TENM3: variants seen among roughly 807,000 people sequenced by gnomAD.
TENM3 encodes the protein teneurin transmembrane protein 3.
A neutral mutation model predicts 255.1 loss-of-function variants in TENM3; 63 were observed. The ratio of observed to expected loss-of-function variants is 0.25; its 90% confidence interval spans 0.20 to 0.30. The LOEUF (loss-of-function observed/expected upper bound fraction) is 0.30. Ranked by LOEUF, TENM3 falls within the 10% of genes least tolerant of loss-of-function variation. The pLI is 1.00. For synonymous variants in TENM3, 1,306 were observed against 1,322.3 expected (o/e 0.99, Z 0.27); for missense variants, 2,929 against 3,461.1 (o/e 0.85, Z 3.86).
the TENM3 span, among the ~76,000 whole-genome samples, chr4:182,107,491 A>G: frequency 6.6e-6 from 1 of 152,070 alleles, no homozygotes; most frequent in Non-Finnish European, 1.5e-5. Flanking sequence ...GGCACATTCG[A>G]CAGTTATTCT....
At chr4:181,747,803 A>T in the TENM3 span, among the ~76,000 whole-genome samples, 2 of 151,924 alleles carry the variant, frequency 1.3e-5, no homozygotes, top group Non-Finnish European at 2.9e-5. Context: ...TAAAATGTTG[A>T]TCCATTTGAA....
the TENM3 span, among the ~76,000 whole-genome samples, chr4:181,540,014 T>C: frequency 1.3e-5 from 2 of 152,168 alleles, no homozygotes; most frequent in South Asian, 4.1e-4. Context: ...GAGAAATGAC[T>C]GCTTCTAGGG....
intron 4 of TENM3, among the ~76,000 whole-genome samples, chr4:182,612,133 G>C (rs537804948): frequency 6.6e-6 from 1 of 151,966 alleles, no homozygotes; most frequent in Non-Finnish European, 1.5e-5. Context: ...TTAGCCGGGC[G>C]TGGTGGCGGA....
At chr4:181,999,593 T>C in the TENM3 span, among the ~76,000 whole-genome samples, 2 of 152,292 alleles carry the variant, frequency 1.3e-5, no homozygotes, top group South Asian at 4.1e-4. Flanking sequence ...ATTATCTGCA[T>C]CTACAAGTGA....
At chr4:181,797,096 C>T in the TENM3 span, among the ~76,000 whole-genome samples, 3 of 151,880 alleles carry the variant, frequency 2.0e-5, no homozygotes, top group African/African-American at 7.3e-5. Context: ...AAAATATGCT[C>T]CCTCCCCTTT....
the TENM3 span, among the ~76,000 whole-genome samples, chr4:181,502,444 G>A: frequency 3.3e-5 from 5 of 152,332 alleles, no homozygotes; most frequent in South Asian, 1.0e-3. Flanking sequence ...TAATGGGAGG[G>A]TCTGGAGTAA....
chr4:182,014,679 A>G, the TENM3 span, among the ~76,000 whole-genome samples: 2 of 152,026 alleles, frequency 1.3e-5, no homozygotes, highest in Non-Finnish European at 2.9e-5. Flanking sequence ...GAGAAGCAAA[A>G]CAAATAGGTT....
intron 4 of TENM3, among the ~76,000 whole-genome samples, chr4:182,622,926 T>C (rs1750431512): frequency 6.6e-6 from 1 of 152,190 alleles, no homozygotes; most frequent in Admixed American, 6.5e-5. Flanking sequence ...ATATCATTCA[T>C]AGTCCATCAG....
At chr4:182,263,960 C>T (rs566673860) in intron 1 of TENM3, among the ~76,000 whole-genome samples, 143 of 152,216 alleles carry the variant, frequency 9.4e-4, no homozygotes, top group Non-Finnish European at 1.2e-3. Flanking sequence ...CTTTATGATG[C>T]GGCTTGGCCC....
chr4:181,462,546 A>T, the TENM3 span, among the ~76,000 whole-genome samples: 1 of 152,202 alleles, frequency 6.6e-6, no homozygotes, highest in Non-Finnish European at 1.5e-5. Context: ...CAATGTCTGA[A>T]AACTGTCTTT....
chr4:181,959,057 G>A, the TENM3 span, among the ~76,000 whole-genome samples: 2 of 152,058 alleles, frequency 1.3e-5, no homozygotes, highest in East Asian at 3.9e-4. Context: ...TTGTTTGTTT[G>A]GTTTGGTGAA....
chr4:182,076,730 G>A, the TENM3 span, among the ~76,000 whole-genome samples: 23 of 152,080 alleles, frequency 1.5e-4, no homozygotes, highest in Non-Finnish European at 1.5e-5. Flanking sequence ...AACCTTTTTG[G>A]TAAAGGGCCA....
chr4:182,622,347 C>CA lies in TENM3; in HGVS notation c.750-6295dup, dbSNP rs199865441. On this transcript the variant is annotated intron_variant, in intron 4 of 27. Coordinates refer to ENST00000511685, the MANE Select transcript of TENM3 (RefSeq NM_001080477.4). ...AGATGACAAGAGCAAAACTCTATCG[C>CA]AAAAAAAAAGAAAAAGAATAATTTC... Among the ~76,000 whole-genome samples, 82 of 149,862 alleles carry CA rather than the reference C, an allele frequency of 5.5e-4. No individual in the cohort carries two copies. The East Asian group carries it at 8.0e-3, about 15-fold the overall frequency.
chr4:182,564,565 TTTTTGTTTTTG>T (rs1743570173), intron 3 of TENM3, among the ~76,000 whole-genome samples: 1 of 140,474 alleles, frequency 7.1e-6, no homozygotes, highest in South Asian at 2.3e-4. Flanking sequence ...TGTTTTTTTG[TTTTTGTTTTTG>T]TTTTGTTTTT....
intron 1 of TENM3, among the ~76,000 whole-genome samples, chr4:182,225,827 G>C (rs777037120): frequency 1.3e-5 from 2 of 152,186 alleles, no homozygotes; most frequent in Non-Finnish European, 2.9e-5. Context: ...CATGCCTGGA[G>C]TGAAGGTTAG....
the TENM3 span, among the ~76,000 whole-genome samples, chr4:181,972,576 G>T: frequency 6.6e-6 from 1 of 152,112 alleles, no homozygotes; most frequent in Non-Finnish European, 1.5e-5. Flanking sequence ...ACTTTAGGGA[G>T]GCTGAACTCT....
chr4:182,773,776 A>AATC (rs1194734884), intron 23 of TENM3, 129 bp downstream of exon 23: 5 of 751,686 alleles, frequency 6.7e-6, no homozygotes, highest in Non-Finnish European at 1.1e-5. Context: ...TTGGTGACAT[A>AATC]ATCTACAGTG....
intron 1 of TENM3, among the ~76,000 whole-genome samples, chr4:182,235,411 G>A (rs1756833524): frequency 1.3e-5 from 2 of 152,196 alleles, no homozygotes; most frequent in Non-Finnish European, 2.9e-5. Flanking sequence ...GAAGACTGTA[G>A]CGTGCAATCT....
chr4:182,689,596 G>A (rs890971049), intron 12 of TENM3, among the ~76,000 whole-genome samples: 4 of 152,130 alleles, frequency 2.6e-5, no homozygotes, highest in Admixed American at 1.3e-4. Flanking sequence ...AGACACATCC[G>A]GCAGAGTCTG....
Sources: allele counts gnomAD v4.1 joint callset (sites outside exome capture counted in the v4.1 genomes callset), GRCh38; gene constraint gnomAD v4.1.1; transcripts MANE v1.5; gene names NCBI Gene and HGNC (gene_info 2026-07-23, HGNC 2026-07-21).